Variants in MAPK4 observed in about 807,000 individuals in gnomAD.
MAPK4 encodes the protein mitogen-activated protein kinase 4, also known as Erk3-related.
A neutral mutation model predicts 47.7 loss-of-function variants in MAPK4; 22 were observed. The observed-to-expected ratio is 0.46, with a 90% CI of 0.33 to 0.66. The LOEUF is 0.66. Among genes scored for constraint, MAPK4 ranks in the 30% least tolerant of loss-of-function variants. MAPK4 has a pLI of 0.02. For synonymous variants in MAPK4, 390 were observed against 365.7 expected (o/e 1.07, Z -0.76); for missense variants, 736 against 831.7 (o/e 0.88, Z 1.42).
chr18:50,624,930 G>A (rs915814548), intron 1 of MAPK4, among the ~76,000 whole-genome samples: 1 of 152,116 alleles, frequency 6.6e-6, no homozygotes. Context: ...CTTAAAGAGT[G>A]TTGGGTCAGC....
At chr18:50,710,025 G>A (rs917829330) in intron 2 of MAPK4, among the ~76,000 whole-genome samples, 15 of 152,104 alleles carry the variant, frequency 9.9e-5, no homozygotes, top group African/African-American at 1.7e-4. Context: ...TTGGGAAGGC[G>A]AGGCTGTCAG....
At position 50,715,071 on chromosome 18, in the gene MAPK4, T is replaced by C. The variant is rs1489149942; in HGVS notation, c.547-8T>C. On this transcript the variant is annotated splice_polypyrimidine_tract_variant and splice_region_variant and intron_variant, in intron 2 of 5. Transcript: ENST00000400384. The stretch of plus-strand genomic sequence containing the variant: ...CTGATCAGTGGAACCAGAAATTTTG[T>C]CTTTCAGGGTTATCTGTCAGAAGGG... 1.2e-6 allele frequency: 2 copies of C among 1,612,358 alleles called. No individual in the cohort carries two copies. The highest frequency in any genetic ancestry group is 1.7e-6 in the Non-Finnish European group (2 of 1,179,496).
At chr18:50,572,612 G>A (rs1410803219) in intron 1 of MAPK4, among the ~76,000 whole-genome samples, 1 of 133,570 alleles carries the variant, frequency 7.5e-6, no homozygotes, top group African/African-American at 2.5e-5. Context: ...CTTATGAAAT[G>A]CATTTCTGAA....
At chr18:50,621,098 G>A (rs2042728099) in intron 1 of MAPK4, among the ~76,000 whole-genome samples, 1 of 152,170 alleles carries the variant, frequency 6.6e-6, no homozygotes, top group Non-Finnish European at 1.5e-5. Flanking sequence ...AATCCCATCA[G>A]CCTTATGAAG....
rs1295514739 is a variant in MAPK4, at chr18:50,663,927, T to C, written c.-32T>C. On this transcript the variant is annotated 5_prime_UTR_variant, in exon 2 of 6. Transcript: ENST00000400384. ...TGGCCTTTCCTGACTGCCCCTGTGT[T>C]ACCTGGGCAGCTCCAGATCACTGAG... The C allele has an allele frequency of 6.3e-7, 1 of 1,579,428 alleles. No homozygotes were observed. The highest frequency in any genetic ancestry group is 1.1e-5 in the South Asian group (1 of 87,122).
intron 1 of MAPK4, among the ~76,000 whole-genome samples, chr18:50,651,562 G>A (rs1216805286): frequency 6.6e-6 from 1 of 152,238 alleles, no homozygotes; most frequent in Non-Finnish European, 1.5e-5. Flanking sequence ...TCCCTACCAT[G>A]TGATCTCTGT....
At chr18:50,662,804 C>T (rs750172962) in intron 1 of MAPK4, among the ~76,000 whole-genome samples, 1 of 152,234 alleles carries the variant, frequency 6.6e-6, no homozygotes, top group Non-Finnish European at 1.5e-5. Flanking sequence ...GGATAATTCT[C>T]CACCGTAATT....
intron 2 of MAPK4, among the ~76,000 whole-genome samples, chr18:50,709,354 TGGG>T (rs1159382646): frequency 6.6e-6 from 1 of 152,050 alleles, no homozygotes; most frequent in Non-Finnish European, 1.5e-5. Flanking sequence ...CCCGGGGAAT[TGGG>T]GGAAGCGTGA....
At chr18:50,680,248 C>T (rs60190553) in intron 2 of MAPK4, among the ~76,000 whole-genome samples, 4,561 of 151,762 alleles carry the variant, frequency 0.03, 198 homozygotes, top group African/African-American at 0.096. Context: ...CCCACCACCA[C>T]GCCCAGCTGA....
At chr18:50,588,142 T>C (rs1407124332) in intron 1 of MAPK4, among the ~76,000 whole-genome samples, 1 of 152,042 alleles carries the variant, frequency 6.6e-6, no homozygotes, top group Admixed American at 6.5e-5. Flanking sequence ...AAAATAACAA[T>C]GATTTATTAT....
intron 1 of MAPK4, among the ~76,000 whole-genome samples, chr18:50,646,709 C>T (rs963205443): frequency 6.6e-6 from 1 of 152,180 alleles, no homozygotes; most frequent in Non-Finnish European, 1.5e-5. Flanking sequence ...AGGTCCTCCC[C>T]ATCTGGCCCC....
intron 1 of MAPK4, among the ~76,000 whole-genome samples, chr18:50,634,316 T>TG (rs34403554): frequency 1.8e-4 from 1 of 5,576 alleles, no homozygotes; most frequent in African/African-American, 8.6e-4. Flanking sequence ...TTTTTTTTTC[T>TG]TTTTTTTTTT....
intron 1 of MAPK4, among the ~76,000 whole-genome samples, chr18:50,583,285 A>G (rs765313454): frequency 4.6e-5 from 7 of 152,220 alleles, no homozygotes; most frequent in East Asian, 1.9e-4. Context: ...GTTAAAAGGC[A>G]TCATTCAGAA....
Position 50,700,371 on chromosome 18 carries a change from C to T in MAPK4, c.547-14708C>T, listed in dbSNP as rs148552631. The stretch of plus-strand genomic sequence containing the variant: ...TAAATCAAACAACAACAACAAAATA[C>T]CTAGTCCCTCTTGACAAACTCTCCA... On this transcript the variant is annotated intron_variant, in intron 2 of 5. Coordinates refer to ENST00000400384, the MANE Select transcript of MAPK4 (RefSeq NM_002747.4). Among the ~76,000 whole-genome samples, 706 of 152,324 alleles carry T rather than the reference C, an allele frequency of 4.6e-3. 3 individuals carry two copies. The highest frequency in any genetic ancestry group is 7.2e-3 in the Non-Finnish European group (488 of 68,024).
At chr18:50,647,450 T>C (rs549762436) in intron 1 of MAPK4, among the ~76,000 whole-genome samples, 1 of 152,284 alleles carries the variant, frequency 6.6e-6, no homozygotes, top group African/African-American at 2.4e-5. Flanking sequence ...TCTGAAAGCC[T>C]GGAGAAGAAA....
At chr18:50,688,515 G>A (rs1352783871) in intron 2 of MAPK4, among the ~76,000 whole-genome samples, 1 of 152,162 alleles carries the variant, frequency 6.6e-6, no homozygotes, top group Non-Finnish European at 1.5e-5. Context: ...AGAATAAAGA[G>A]GCTTCCCACA....
chr18:50,634,330 T>G (rs529931067), intron 1 of MAPK4, among the ~76,000 whole-genome samples: 1 of 133,554 alleles, frequency 7.5e-6, no homozygotes, highest in African/African-American at 2.8e-5. Flanking sequence ...TTTTTTTTCC[T>G]TTTCTGAAAA....
chr18:50,596,544 C>T (rs1364517773), intron 1 of MAPK4, among the ~76,000 whole-genome samples: 2 of 152,138 alleles, frequency 1.3e-5, no homozygotes, highest in Admixed American at 1.3e-4. Flanking sequence ...TGATGAGCTC[C>T]AGACCTCATT....
At chr18:50,605,078 C>T (rs1199506135) in intron 1 of MAPK4, among the ~76,000 whole-genome samples, 1 of 152,224 alleles carries the variant, frequency 6.6e-6, no homozygotes, top group Non-Finnish European at 1.5e-5. Flanking sequence ...AGGCCCTGTG[C>T]ACACATCAAC....
Sources: gnomAD v4.1 joint callset for allele counts (sites outside exome capture counted in the v4.1 genomes callset) on GRCh38, gnomAD v4.1.1 for gene constraint, MANE v1.5 for transcripts, NCBI Gene and HGNC (gene_info 2026-07-23, HGNC 2026-07-21) for gene names.